The following KDM4C variants were observed in gnomAD, a reference collection of about 807,000 sequenced individuals.
The protein encoded by KDM4C is lysine demethylase 4C.
A neutral mutation model predicts 129.3 loss-of-function variants in KDM4C; 81 were observed. The ratio of observed to expected loss-of-function variants is 0.63; its 90% confidence interval spans 0.52 to 0.75. The LOEUF is 0.75. KDM4C is among the 30% of genes least tolerant of loss of function. KDM4C has a pLI of 0.00. For missense variants in KDM4C, 1,457 were observed against 1,304.0 expected (o/e 1.12, Z -1.81); for synonymous variants, 573 against 456.1 (o/e 1.26, Z -3.26).
chr9:6,925,199 T>G, intron 8 of KDM4C: 3 of 985,416 alleles, frequency 3.0e-6, no homozygotes, highest in Non-Finnish European at 2.4e-6. Context: ...CTGTCACTGT[T>G]GGCGATACAG....
chr9:6,810,971 AT>A (rs1229456885), intron 3 of KDM4C, among the ~76,000 whole-genome samples: 1 of 152,150 alleles, frequency 6.6e-6, no homozygotes, highest in Non-Finnish European at 1.5e-5. Flanking sequence ...TGAAATTCAT[AT>A]TTTTTGTATT....
intron 1 of KDM4C, among the ~76,000 whole-genome samples, chr9:6,748,543 G>T (rs1287203900): frequency 6.6e-6 from 1 of 151,466 alleles, no homozygotes; most frequent in Non-Finnish European, 1.5e-5. Flanking sequence ...ATTATTATTA[G>T]TATTATTAGT....
At chr9:6,725,109 G>A (rs1817078717) in intron 1 of KDM4C, among the ~76,000 whole-genome samples, 1 of 151,980 alleles carries the variant, frequency 6.6e-6, no homozygotes, top group African/African-American at 2.4e-5. Context: ...TTCCTCTTCT[G>A]GAGTCAAATC....
chr9:6,785,494 G>C (rs1317779547), intron 1 of KDM4C, among the ~76,000 whole-genome samples: 1 of 152,102 alleles, frequency 6.6e-6, no homozygotes, highest in South Asian at 2.1e-4. Context: ...CCGCCACCAT[G>C]CCTGGCTAAT....
intron 4 of KDM4C, among the ~76,000 whole-genome samples, chr9:6,843,170 C>T (rs1176509271): frequency 6.6e-6 from 1 of 152,142 alleles, no homozygotes; most frequent in African/African-American, 2.4e-5. Flanking sequence ...CTCAGGTGAT[C>T]CTCCCATCTC....
intron 6 of KDM4C, among the ~76,000 whole-genome samples, chr9:6,883,931 C>A (rs138760951): frequency 2.0e-5 from 3 of 152,108 alleles, no homozygotes; most frequent in African/African-American, 7.2e-5. Context: ...AAAAAAAACC[C>A]CATGCGTGTA....
chr9:7,074,731 A>C (rs577286603), intron 17 of KDM4C, among the ~76,000 whole-genome samples: 3 of 152,322 alleles, frequency 2.0e-5, no homozygotes, highest in African/African-American at 7.2e-5. Flanking sequence ...CTAAAGGACT[A>C]GATCATTGAA....
At chr9:7,169,670 G>A in intron 20 of KDM4C, 128 bp from the exon 21 acceptor site, 1 of 710,098 alleles carries the variant, frequency 1.4e-6, no homozygotes, top group Non-Finnish European at 2.3e-6. Flanking sequence ...TACTTCCTTG[G>A]TTGTTGGCTG....
chr9:6,948,878 ACTT>A (rs1339584811), intron 8 of KDM4C, among the ~76,000 whole-genome samples: 2 of 152,098 alleles, frequency 1.3e-5, no homozygotes, highest in African/African-American at 2.4e-5. Context: ...TCCTATGTCT[ACTT>A]CTTTCTACAC....
intron 19 of KDM4C, among the ~76,000 whole-genome samples, chr9:7,148,094 C>T (rs1382467574): frequency 5.3e-5 from 8 of 152,204 alleles, no homozygotes; most frequent in East Asian, 3.8e-4. Flanking sequence ...CTCCAGGTGC[C>T]GGCTCCATGT....
intron 4 of KDM4C, among the ~76,000 whole-genome samples, chr9:6,841,998 A>G (rs756916896): frequency 2.6e-5 from 4 of 152,224 alleles, no homozygotes; most frequent in Non-Finnish European, 5.9e-5. Flanking sequence ...GGCCATTTGC[A>G]TATTGATCAT....
At chr9:6,958,266 T>C (rs1829423928) in intron 8 of KDM4C, among the ~76,000 whole-genome samples, 1 of 152,168 alleles carries the variant, frequency 6.6e-6, no homozygotes, top group African/African-American at 2.4e-5. Context: ...ATTTAACTAC[T>C]GTGACAGCAG....
At chr9:6,885,386 G>C (rs1563758051) in intron 6 of KDM4C, among the ~76,000 whole-genome samples, 1 of 152,174 alleles carries the variant, frequency 6.6e-6, no homozygotes, top group Admixed American at 6.5e-5. Flanking sequence ...CCTTGAGAGA[G>C]CTTATGAGAT....
At chr9:6,875,666 C>G (rs186280450) in intron 5 of KDM4C, among the ~76,000 whole-genome samples, 39 of 152,306 alleles carry the variant, frequency 2.6e-4, no homozygotes, top group East Asian at 5.8e-4. Flanking sequence ...TTCACACTAA[C>G]TGCCATATGA....
At chr9:6,838,389 C>T (rs1023600289) in intron 4 of KDM4C, among the ~76,000 whole-genome samples, 2 of 152,110 alleles carry the variant, frequency 1.3e-5, no homozygotes, top group African/African-American at 2.4e-5. Context: ...TGGAATAATT[C>T]TGGATCTAAA....
intron 1 of KDM4C, among the ~76,000 whole-genome samples, chr9:6,787,287 C>T (rs991037846): frequency 2.6e-5 from 4 of 152,214 alleles, no homozygotes; most frequent in Non-Finnish European, 5.9e-5. Flanking sequence ...GGCTAGAGTG[C>T]AGTGGCACCG....
intron 20 of KDM4C, among the ~76,000 whole-genome samples, chr9:7,166,907 A>C (rs150641431): frequency 1.4e-4 from 22 of 152,338 alleles, no homozygotes; most frequent in Admixed American, 9.1e-4. Flanking sequence ...AAGTAGTTTA[A>C]AATTCCTCAT....
intron 17 of KDM4C, among the ~76,000 whole-genome samples, chr9:7,062,255 A>G (rs1564065432): frequency 2.0e-5 from 3 of 152,214 alleles, no homozygotes; most frequent in Non-Finnish European, 2.9e-5. Context: ...GGTGTGAACC[A>G]CTGTGCCCGG....
intron 8 of KDM4C, among the ~76,000 whole-genome samples, chr9:6,927,839 CATTCTA>C (rs1389056181): frequency 6.6e-6 from 1 of 152,178 alleles, no homozygotes; most frequent in Non-Finnish European, 1.5e-5. Flanking sequence ...CTTCTCAAGG[CATTCTA>C]ATCACTATTT....
Sources: gnomAD v4.1 joint callset for allele counts (sites outside exome capture counted in the v4.1 genomes callset) on GRCh38, gnomAD v4.1.1 for gene constraint, MANE v1.5 for transcripts, NCBI Gene and HGNC (gene_info 2026-07-23, HGNC 2026-07-21) for gene names.